The following KCTD16 variants were observed in gnomAD, a reference collection of about 807,000 sequenced individuals.
KCTD16 encodes the protein BTB/POZ domain-containing protein KCTD16.
In KCTD16, 13 loss-of-function variants were observed where a neutral mutation model predicts 33.2. The ratio of observed to expected loss-of-function variants is 0.39; its 90% CI spans 0.25 to 0.62. KCTD16 has a LOEUF of 0.62. Ranked by LOEUF, KCTD16 falls within the 20% of genes least tolerant of loss-of-function variation. The pLI is 0.50. For missense variants in KCTD16, 441 were observed against 525.1 expected, an observed-to-expected ratio of 0.84 and a Z score of 1.57; for synonymous variants, 197 against 195.3, an observed-to-expected ratio of 1.01 and a Z score of -0.07.
chr5:144,209,816 GTATA>G (rs563323051), intron 3 of KCTD16, among the ~76,000 whole-genome samples: 2 of 143,622 alleles, frequency 1.4e-5, no homozygotes, highest in Non-Finnish European at 3.0e-5. Context: ...TTATATGTGT[GTATA>G]TATATAAATA....
chr5:144,184,023 C>T (rs1489239527), intron 2 of KCTD16, among the ~76,000 whole-genome samples: 3 of 152,116 alleles, frequency 2.0e-5, no homozygotes, highest in African/African-American at 7.2e-5. Context: ...AATATTAGTA[C>T]CAGCTTAATC....
intron 3 of KCTD16, among the ~76,000 whole-genome samples, chr5:144,423,808 A>T (rs976647384): frequency 3.3e-5 from 5 of 152,022 alleles, no homozygotes; most frequent in Non-Finnish European, 5.9e-5. Context: ...GTAATAAATA[A>T]CCATTCCCTG....
chr5:144,281,386 T>C (rs1755605634), intron 3 of KCTD16, among the ~76,000 whole-genome samples: 1 of 152,232 alleles, frequency 6.6e-6, no homozygotes, highest in African/African-American at 2.4e-5. Context: ...TTTTGATATG[T>C]TATCTGTTCA....
intron 3 of KCTD16, among the ~76,000 whole-genome samples, chr5:144,217,971 T>C (rs183485376): frequency 1.3e-5 from 2 of 152,302 alleles, no homozygotes; most frequent in Admixed American, 6.5e-5. Context: ...GAGAGTTGTG[T>C]TTACTAGTTT....
chr5:144,276,659 T>C (rs905481499), intron 3 of KCTD16, among the ~76,000 whole-genome samples: 3 of 152,160 alleles, frequency 2.0e-5, no homozygotes, highest in African/African-American at 7.2e-5. Context: ...ATCTCAGCAA[T>C]TTGGGAGGCC....
At chr5:144,339,373 A>G (rs1262753256) in intron 3 of KCTD16, among the ~76,000 whole-genome samples, 1 of 152,200 alleles carries the variant, frequency 6.6e-6, no homozygotes, top group Non-Finnish European at 1.5e-5. Flanking sequence ...TACAACTATT[A>G]TTCGATCACT....
intron 3 of KCTD16, among the ~76,000 whole-genome samples, chr5:144,275,852 T>G (rs1755423768): frequency 6.6e-6 from 1 of 152,162 alleles, no homozygotes; most frequent in Admixed American, 6.5e-5. Flanking sequence ...AGTGTATTTC[T>G]AATCCCTAAA....
intron 2 of KCTD16, among the ~76,000 whole-genome samples, chr5:144,178,849 T>G (rs1752561235): frequency 6.6e-6 from 1 of 152,152 alleles, no homozygotes; most frequent in Non-Finnish European, 1.5e-5. Flanking sequence ...CCCTGGAAAT[T>G]AAATGTCTCA....
chr5:144,414,628 A>T (rs1036442846), intron 3 of KCTD16, among the ~76,000 whole-genome samples: 1 of 152,256 alleles, frequency 6.6e-6, no homozygotes, highest in Non-Finnish European at 1.5e-5. Flanking sequence ...GACCTCCAGC[A>T]TAAATGACTT....
chr5:144,351,870 C>A (rs115751881), intron 3 of KCTD16, among the ~76,000 whole-genome samples: 5,102 of 152,084 alleles, frequency 0.034, 222 homozygotes, highest in Admixed American at 0.14. Flanking sequence ...TGGTGGTTAT[C>A]AGAGGCTGTG....
chr5:144,184,177 A>G (rs1752680679), intron 2 of KCTD16, among the ~76,000 whole-genome samples: 2 of 152,190 alleles, frequency 1.3e-5, no homozygotes, highest in South Asian at 4.1e-4. Flanking sequence ...TGTTAAGTGT[A>G]TTCACATTGT....
chr5:144,249,306 T>C (rs962804703), intron 3 of KCTD16, among the ~76,000 whole-genome samples: 16 of 152,190 alleles, frequency 1.1e-4, no homozygotes, highest in African/African-American at 3.9e-4. Flanking sequence ...AGATTGCAGC[T>C]CATGTGTTCA....
chr5:144,325,538 C>T (rs1752181986), intron 3 of KCTD16, among the ~76,000 whole-genome samples: 2 of 152,136 alleles, frequency 1.3e-5, no homozygotes, highest in African/African-American at 4.8e-5. Context: ...GTCATGTGCT[C>T]TCCCAGTTCT....
At chr5:144,176,623 C>T (rs538746732) in intron 2 of KCTD16, among the ~76,000 whole-genome samples, 144 of 151,292 alleles carry the variant, frequency 9.5e-4, no homozygotes, top group Middle Eastern at 3.4e-3. Context: ...AGGATGGTCT[C>T]GATCTCCTGA....
intron 2 of KCTD16, among the ~76,000 whole-genome samples, chr5:144,176,181 T>C (rs899797299): frequency 3.9e-5 from 6 of 152,188 alleles, no homozygotes; most frequent in African/African-American, 1.4e-4. Flanking sequence ...TTGATATGTT[T>C]CATCTTATTT....
intron 3 of KCTD16, chr5:144,385,284 A>G (rs1752299787): frequency 6.6e-6 from 1 of 152,244 alleles, no homozygotes; most frequent in Non-Finnish European, 1.5e-5. Context: ...TGAAGATAGC[A>G]TTGTTGCATA....
At chr5:144,327,680 C>CA (rs1165808773) in intron 3 of KCTD16, among the ~76,000 whole-genome samples, 7 of 152,072 alleles carry the variant, frequency 4.6e-5, no homozygotes, top group East Asian at 1.9e-4. Context: ...AAATGACCCA[C>CA]AAAAAATCAT....
At chr5:144,294,364 T>G in intron 3 of KCTD16, among the ~76,000 whole-genome samples, 1 of 152,224 alleles carries the variant, frequency 6.6e-6, no homozygotes, top group East Asian at 1.9e-4. Context: ...AACTCTATAA[T>G]TCAGTACAGT....
chr5:144,376,392 T>C (rs1752094240), intron 3 of KCTD16, among the ~76,000 whole-genome samples: 1 of 152,126 alleles, frequency 6.6e-6, no homozygotes, highest in Non-Finnish European at 1.5e-5. Flanking sequence ...AATAATTCCT[T>C]TGTAGAGAGA....
Sources: gnomAD v4.1 joint callset for allele counts (sites outside exome capture counted in the v4.1 genomes callset) on GRCh38, gnomAD v4.1.1 for gene constraint, MANE v1.5 for transcripts, NCBI Gene and HGNC (gene_info 2026-07-23, HGNC 2026-07-21) for gene names.